Variants in GIMAP8 observed in about 807,000 individuals in gnomAD.
GIMAP8 encodes GTPase IMAP family member 8.
Under a neutral mutation model 35.6 loss-of-function variants are expected in GIMAP8, and 29 were observed. The observed-to-expected ratio is 0.81, with a 90% CI of 0.61 to 1.11. The LOEUF (loss-of-function observed/expected upper bound fraction) is 1.11, where lower values mean the gene tolerates loss of function less well. GIMAP8 is among the 50% of genes most tolerant of loss of function. The pLI, the probability that GIMAP8 is intolerant of heterozygous loss-of-function variation, is 0.00. For synonymous variants in GIMAP8, 335 were observed against 308.7 expected (o/e 1.09, Z -0.89); for missense variants, 811 against 805.0 (o/e 1.01, Z -0.09).
intron 2 of GIMAP8, among the ~76,000 whole-genome samples, chr7:150,469,738 T>C (rs912465286): frequency 1.3e-5 from 2 of 151,990 alleles, no homozygotes; most frequent in Non-Finnish European, 2.9e-5. Context: ...TACCTAAAGA[T>C]ATATGTACAA....
At chr7:150,464,327 T>A (rs551917675) in intron 1 of GIMAP8, among the ~76,000 whole-genome samples, 1 of 152,358 alleles carries the variant, frequency 6.6e-6, no homozygotes, top group African/African-American at 2.4e-5. Flanking sequence ...TTATTCTTAC[T>A]TAATGAAAAT....
At chr7:150,468,792 T>C (rs1802029687) in intron 2 of GIMAP8, among the ~76,000 whole-genome samples, 1 of 152,180 alleles carries the variant, frequency 6.6e-6, no homozygotes, top group South Asian at 2.1e-4. Context: ...AGAAATCATT[T>C]ACTGAATGCC....
In GIMAP8 at chr7:150,467,328, G is replaced by A. The variant is rs1209883652; in HGVS notation, c.630G>A (p.Arg210=). 1.2e-6 allele frequency: 2 copies of A among 1,607,516 alleles called. No individual in the cohort carries two copies. Among genetic ancestry groups the A allele is most frequent in the African/African-American group, 1.3e-5 (1 of 74,564 alleles). Residue 210 remains arginine, a synonymous_variant, in exon 2 of 5, where the codon AGG becomes AGA. Transcript: ENST00000307271. The stretch of plus-strand genomic sequence containing the variant: ...TGAACTTCAAAACTGAAGGCAGCAG[G>A]TTTCAAGTAAGAATTTTGTTAATAT... ...YHVNFKTEGS[R]FQDCVNEAAS... is the part of the protein sequence containing the mutation.
intron 1 of GIMAP8, among the ~76,000 whole-genome samples, chr7:150,462,886 C>T (rs1057454705): frequency 1.3e-5 from 2 of 152,168 alleles, no homozygotes; most frequent in Admixed American, 1.3e-4. Context: ...ACATCTCTCA[C>T]AATACTTTGG....
At chr7:150,457,864 C>A (rs768450207) in intron 1 of GIMAP8, among the ~76,000 whole-genome samples, 1 of 152,250 alleles carries the variant, frequency 6.6e-6, no homozygotes, top group Non-Finnish European at 1.5e-5. Flanking sequence ...GCAAGCTCCA[C>A]AGGCTCCACC....
At chr7:150,460,949 C>G (rs1801832104) in intron 1 of GIMAP8, among the ~76,000 whole-genome samples, 1 of 152,218 alleles carries the variant, frequency 6.6e-6, no homozygotes, top group Non-Finnish European at 1.5e-5. Context: ...AGGCCAAAAG[C>G]TGTTTCTCAA....
At chr7:150,457,292 T>C (rs1253172481) in intron 1 of GIMAP8, among the ~76,000 whole-genome samples, 1 of 152,228 alleles carries the variant, frequency 6.6e-6, no homozygotes, top group Non-Finnish European at 1.5e-5. Context: ...GTGGGCCAGG[T>C]GTTCCTTGCC....
At chr7:150,468,974 G>A (rs1011975064) in intron 2 of GIMAP8, among the ~76,000 whole-genome samples, 6 of 152,162 alleles carry the variant, frequency 3.9e-5, no homozygotes, top group Non-Finnish European at 5.9e-5. Context: ...CTTGAGGGCT[G>A]CATGGAACAG....
chr7:150,463,125 C>G (rs1264968602), intron 1 of GIMAP8, among the ~76,000 whole-genome samples: 1 of 151,862 alleles, frequency 6.6e-6, no homozygotes, highest in Non-Finnish European at 1.5e-5. Flanking sequence ...ATTTTTGAAG[C>G]TCTTGGTTAT....
Position 150,477,981 on chromosome 7 carries a change from G to A in GIMAP8, c.*201G>A. 2 of 560,072 alleles carry A rather than the reference G, an allele frequency of 3.6e-6. No homozygotes were observed. Among genetic ancestry groups the A allele is most frequent in the Non-Finnish European group, 6.3e-6 (2 of 316,974 alleles). 34.7% of individuals were successfully genotyped at this position (560,072 alleles called of 1,614,324 possible). A position where few individuals can be genotyped will look rare whatever the true frequency, so the allele number is the denominator to read the frequency against. ...GGGGCGAATAGTAGGGTATTATAAA[G>A]GAGAAAGAAGATACAAGGTGGGGAA... On this transcript the variant is annotated 3_prime_UTR_variant, in exon 5 of 5. Coordinates refer to ENST00000307271, the MANE Select transcript of GIMAP8 (RefSeq NM_175571.4).
At chr7:150,453,880 G>A (rs1801672914) in intron 1 of GIMAP8, among the ~76,000 whole-genome samples, 1 of 151,986 alleles carries the variant, frequency 6.6e-6, no homozygotes, top group Non-Finnish European at 1.5e-5. Context: ...TGCCCGTGGG[G>A]CATAGAGGGG....
chr7:150,457,752 A>C (rs940279644), intron 1 of GIMAP8, among the ~76,000 whole-genome samples: 4 of 152,258 alleles, frequency 2.6e-5, no homozygotes, highest in Non-Finnish European at 5.9e-5. Context: ...AGCTGAAAAC[A>C]TTCGTGAAAT....
At chr7:150,457,277 C>T (rs1186015289) in intron 1 of GIMAP8, among the ~76,000 whole-genome samples, 1 of 152,214 alleles carries the variant, frequency 6.6e-6, no homozygotes, top group African/African-American at 2.4e-5. Context: ...GATTTTCCGC[C>T]CTGGGTGGGC....
chr7:150,470,746 CTTTTTTT>C lies in GIMAP8; in HGVS notation c.637-67_637-61del, dbSNP rs765100972. 7.8e-4 allele frequency: 363 copies of C among 467,892 alleles called. 2 individuals carry two copies. The highest frequency in any genetic ancestry group is 9.4e-4 in the Non-Finnish European group (270 of 287,164). 29.0% of individuals were successfully genotyped at this position (467,892 alleles called of 1,614,324 possible). A position where few individuals can be genotyped will look rare whatever the true frequency, so the allele number is the denominator to read the frequency against. On this transcript the variant is annotated intron_variant, in intron 2 of 4. Coordinates refer to ENST00000307271, the MANE Select transcript of GIMAP8 (RefSeq NM_175571.4). ...CATTCTGAATTAATACTTCAATTTC[CTTTTTTT>C]TTTTTTTTTTTTTTTCAGTTTGTGG... is the stretch of plus-strand genomic sequence containing the variant.
Position 150,474,749 on chromosome 7 carries a change from G to C in GIMAP8, c.1309+111G>C, listed in dbSNP as rs374108635. ...TTTCTTTTTTTTTATTATACTTTAAGTTTTAGGGTACATGTGCACATTGTG... is the reference window on the plus strand; with the variant it reads ...TTTCTTTTTTTTTATTATACTTTAACTTTTAGGGTACATGTGCACATTGTG... On this transcript the variant is annotated intron_variant, in intron 4 of 4. Coordinates refer to ENST00000307271, the MANE Select transcript of GIMAP8 (RefSeq NM_175571.4). 770 of 692,582 alleles carry C rather than the reference G, an allele frequency of 1.1e-3. 23 individuals are homozygous for C. In the South Asian group the frequency reaches 0.024, roughly 22 times the overall value. 42.9% of individuals were successfully genotyped at this position (692,582 alleles called of 1,614,324 possible). A position where few individuals can be genotyped will look rare whatever the true frequency, so the allele number is the denominator to read the frequency against.
Position 150,459,466 on chromosome 7 carries a change from A to G in GIMAP8, c.-28-7205A>G, listed in dbSNP as rs186026630. On this transcript the variant is annotated intron_variant, in intron 1 of 4. Coordinates refer to ENST00000307271, the MANE Select transcript of GIMAP8 (RefSeq NM_175571.4). ...GAAGTAAAAATGTTGCTAGTGGGTC[A>G]CTAGGAGTAATAGTGAGTGGTACCA... is the stretch of plus-strand genomic sequence containing the variant. 1.8e-3 allele frequency among the ~76,000 whole-genome samples: 277 copies of G among 152,320 alleles called. 1 individual carries two copies. The highest frequency in any genetic ancestry group is 6.3e-3 in the African/African-American group (261 of 41,562).
At position 150,478,146 on chromosome 7, in the gene GIMAP8, A is replaced by G. The variant is rs1435598885; in HGVS notation, c.*366A>G. 1.3e-5 allele frequency: 3 copies of G among 229,872 alleles called. No homozygotes were observed. The Admixed American group carries it at 1.5e-4, about 12-fold the overall frequency. 14.2% of individuals were successfully genotyped at this position (229,872 alleles called of 1,614,324 possible). A position where few individuals can be genotyped will look rare whatever the true frequency, so the allele number is the denominator to read the frequency against. The stretch of plus-strand genomic sequence containing the variant: ...GAGGCCACCTGGGATGAGAATATAG[A>G]TAGTCGTACAACAACCCAGGGGATC... On this transcript the variant is annotated 3_prime_UTR_variant, in exon 5 of 5. Transcript: ENST00000307271.
intron 1 of GIMAP8, among the ~76,000 whole-genome samples, chr7:150,460,274 T>G (rs58111571): frequency 0.32 from 48,570 of 152,082 alleles, 7,895 homozygotes; most frequent in East Asian, 0.44. Flanking sequence ...TCTGCTGAAG[T>G]CACCCTTTGG....
In GIMAP8 at chr7:150,477,262, ACT is replaced by A. The variant is rs775140418; in HGVS notation, c.1482_1483del (p.Pro495PhefsTer27). ...WDGQEVVVVD[T>X]PSFNQMLDVE... Reference sequence around the variant, plus strand: ...CGGACAGGAGGTGGTGGTTGTGGACACTCCTTCCTTCAACCAGATGCTGGATG... The same window carrying A: ...CGGACAGGAGGTGGTGGTTGTGGACACCTTCCTTCAACCAGATGCTGGATG... On this transcript the variant is annotated frameshift_variant, in exon 5 of 5. Coordinates refer to ENST00000307271, the MANE Select transcript of GIMAP8 (RefSeq NM_175571.4). LOFTEE classifies it low-confidence loss of function (END_TRUNC). 4 of 1,613,474 alleles carry A rather than the reference ACT, an allele frequency of 2.5e-6. No homozygotes were observed. In the African/African-American group the frequency reaches 5.4e-5, roughly 22 times the overall value.
Sources: gnomAD v4.1 joint callset for allele counts (sites outside exome capture counted in the v4.1 genomes callset) on GRCh38, gnomAD v4.1.1 for gene constraint, MANE v1.5 for transcripts, NCBI Gene and HGNC (gene_info 2026-07-23, HGNC 2026-07-21) for gene names.